ANTXR2: variants seen among roughly 807,000 people sequenced by gnomAD.
The protein encoded by ANTXR2 is ANTXR cell adhesion molecule 2.
ANTXR2 carries 44 observed loss-of-function variants against 73.7 expected under a neutral mutation model. That is an observed-to-expected ratio of 0.60 (90% CI 0.47 to 0.77). The LOEUF (loss-of-function observed/expected upper bound fraction) is 0.77, where lower values mean the gene tolerates loss of function less well. Among genes scored for constraint, ANTXR2 ranks in the 30% least tolerant of loss-of-function variants. The probability of loss-of-function intolerance (pLI) is 0.00; values close to 1 mark genes in which losing one functional copy is unlikely to be tolerated. For missense variants in ANTXR2, 604 were observed against 592.5 expected (o/e 1.02, Z -0.20); for synonymous variants, 217 against 205.9 (o/e 1.05, Z -0.46).
chr4:80,002,923 G>C (rs1304147424), intron 12 of ANTXR2, among the ~76,000 whole-genome samples: 4 of 141,962 alleles, frequency 2.8e-5, no homozygotes, highest in Non-Finnish European at 6.2e-5. Context: ...AGGTGCTGGA[G>C]AGGATGTGGA....
intron 12 of ANTXR2, among the ~76,000 whole-genome samples, chr4:79,995,113 C>T (rs1413387088): frequency 1.3e-5 from 2 of 151,996 alleles, no homozygotes; most frequent in Non-Finnish European, 2.9e-5. Context: ...GTATATGTTG[C>T]TGCACAGTTG....
chr4:80,008,123 T>C (rs1731397351), intron 12 of ANTXR2, among the ~76,000 whole-genome samples: 3 of 152,148 alleles, frequency 2.0e-5, no homozygotes, highest in Admixed American at 1.3e-4. Context: ...CATGAAATGG[T>C]AGACCCTTCA....
In ANTXR2 at chr4:79,907,352, A is replaced by C; in HGVS notation, c.*77T>G. On this transcript the variant is annotated 3_prime_UTR_variant, in exon 17 of 17. Coordinates refer to ENST00000403729, the MANE Select transcript of ANTXR2 (RefSeq NM_058172.6). ...TCCAAAAGCTTCTGAAATGCACTTG[A>C]TTTTTTTCATTTGGTTGAAAATCAG... 6.7e-7 allele frequency: 1 copy of C among 1,497,020 alleles called. No individual in the cohort carries two copies. The allele number at this position is 1,497,020 out of a possible 1,614,324, so 92.7% of individuals were successfully genotyped here. A position where few individuals can be genotyped will look rare whatever the true frequency, so the allele number is the denominator to read the frequency against.
chr4:79,910,235 G>T (rs1302249147), intron 16 of ANTXR2, among the ~76,000 whole-genome samples: 6 of 152,204 alleles, frequency 3.9e-5, no homozygotes, highest in Admixed American at 2.0e-4. Flanking sequence ...TGTTGGCCGG[G>T]TGTGGTGGCT....
At chr4:80,036,447 T>C (rs985097328) in intron 7 of ANTXR2, among the ~76,000 whole-genome samples, 2 of 152,080 alleles carry the variant, frequency 1.3e-5, no homozygotes, top group African/African-American at 4.8e-5. Context: ...AGAAGACCAA[T>C]ATAATATCAA....
chr4:79,936,937 G>T (rs1246109944), intron 16 of ANTXR2, among the ~76,000 whole-genome samples: 1 of 151,932 alleles, frequency 6.6e-6, no homozygotes, highest in Non-Finnish European at 1.5e-5. Flanking sequence ...TCTATCACTT[G>T]TATAATGCTA....
chr4:79,934,612 T>A (rs1393956683), intron 16 of ANTXR2, among the ~76,000 whole-genome samples: 1 of 151,964 alleles, frequency 6.6e-6, no homozygotes, highest in Non-Finnish European at 1.5e-5. Context: ...TCATCATTTA[T>A]AAAATATGGA....
At chr4:79,999,446 A>G (rs1283819704) in intron 12 of ANTXR2, among the ~76,000 whole-genome samples, 3 of 151,976 alleles carry the variant, frequency 2.0e-5, no homozygotes, top group African/African-American at 7.2e-5. Context: ...GCAGAACTGT[A>G]AGTCAATTAA....
Position 80,003,783 on chromosome 4 carries a change from G to A in ANTXR2, c.1041+4738C>T, listed in dbSNP as rs563372327. Among the ~76,000 whole-genome samples the A allele has an allele frequency of 5.3e-5, 8 of 152,162 alleles. 1 individual carries two copies. The South Asian group carries it at 1.0e-3, about 20-fold the overall frequency. On this transcript the variant is annotated intron_variant, in intron 12 of 16. Coordinates refer to ENST00000403729, the MANE Select transcript of ANTXR2 (RefSeq NM_058172.6). ...CACCAAATGCTGAAAATCTGAAGGA[G>A]CAACTGAATCACTCATTCATTGTTA... is the stretch of plus-strand genomic sequence containing the variant.
chr4:80,047,830 T>A (rs539654348), intron 7 of ANTXR2, among the ~76,000 whole-genome samples: 65 of 151,832 alleles, frequency 4.3e-4, no homozygotes, highest in African/African-American at 1.4e-3. Context: ...TGGATCCAGC[T>A]GTACCTGAGG....
chr4:79,946,433 C>T (rs1399906778), intron 16 of ANTXR2, among the ~76,000 whole-genome samples: 4 of 152,128 alleles, frequency 2.6e-5, no homozygotes, highest in Admixed American at 1.3e-4. Flanking sequence ...CAGCCAATCC[C>T]GGGTAAGCTC....
In ANTXR2 at chr4:80,016,277, C is replaced by T. The variant is rs528670817; in HGVS notation, c.945+2621G>A. Among the ~76,000 whole-genome samples, 20 of 152,104 alleles carry T rather than the reference C, an allele frequency of 1.3e-4. No individual in the cohort carries two copies. In the South Asian group the frequency reaches 4.2e-3, roughly 32 times the overall value. On this transcript the variant is annotated intron_variant, in intron 11 of 16. Transcript: ENST00000403729. ...ATTTTCTATTTCCAAGAATTCCTTC[C>T]ACTTATTTCTACTCCAGTCAAATGC...
chr4:80,060,933 A>C (rs1734220595), intron 3 of ANTXR2, among the ~76,000 whole-genome samples: 1 of 152,128 alleles, frequency 6.6e-6, no homozygotes, highest in Non-Finnish European at 1.5e-5. Flanking sequence ...CAGTTGAGCC[A>C]CTGGAATGGC....
chr4:80,000,400 T>C (rs1730973329), intron 12 of ANTXR2, among the ~76,000 whole-genome samples: 1 of 152,074 alleles, frequency 6.6e-6, no homozygotes, highest in Non-Finnish European at 1.5e-5. Context: ...ATTTTGAATT[T>C]GATTTCCAAG....
intron 13 of ANTXR2, 117 bp from the exon 14 acceptor site, chr4:79,984,087 T>A (rs898730768): frequency 1.1e-5 from 8 of 723,838 alleles, no homozygotes; most frequent in East Asian, 2.9e-5. Flanking sequence ...GAAAAAACTA[T>A]GTATAGAACA....
At chr4:79,977,407 C>T (rs1294150509) in intron 16 of ANTXR2, 40 of 977,864 alleles carry the variant, frequency 4.1e-5, no homozygotes, top group Non-Finnish European at 5.3e-5. Flanking sequence ...TAAAGAATTT[C>T]TTGAAAAGGG....
rs537623408 is a variant in ANTXR2 at position 79,902,342 on chromosome 4, TAGTAA to T, written c.*5082_*5086del. ...TTAAGCTGTGTTCAAATTACTTACT[TAGTAA>T]AGTATTTTCCACTGAATACTTGCTA... On this transcript the variant is annotated 3_prime_UTR_variant, in exon 17 of 17. Transcript: ENST00000403729. 10 of 152,254 alleles carry T rather than the reference TAGTAA, an allele frequency of 6.6e-5. No individual in the cohort carries two copies. The highest frequency in any genetic ancestry group is 6.2e-4 in the South Asian group (3 of 4,826). The allele number at this position is 152,254 out of a possible 1,614,324, so 9.4% of individuals were successfully genotyped here.
intron 16 of ANTXR2, among the ~76,000 whole-genome samples, chr4:79,930,801 G>A (rs971872022): frequency 1.3e-5 from 2 of 152,162 alleles, no homozygotes; most frequent in Admixed American, 1.3e-4. Context: ...GTAGGTATAA[G>A]ATAAAAATAG....
chr4:79,957,263 A>T (rs1357071200), intron 16 of ANTXR2, among the ~76,000 whole-genome samples: 1 of 152,144 alleles, frequency 6.6e-6, no homozygotes, highest in East Asian at 1.9e-4. Context: ...CACAGACTAT[A>T]AATAAAATCT....
Sources: allele counts gnomAD v4.1 joint callset (sites outside exome capture counted in the v4.1 genomes callset), GRCh38; gene constraint gnomAD v4.1.1; transcripts MANE v1.5; gene names NCBI Gene and HGNC (gene_info 2026-07-23, HGNC 2026-07-21).